The following CASP2 variants were observed in gnomAD, a reference collection of about 807,000 sequenced individuals.
CASP2 encodes the protein caspase 2, also known as caspase-2.
A neutral mutation model predicts 54.4 loss-of-function variants in CASP2; 38 were observed. The observed-to-expected ratio is 0.70, with a 90% CI of 0.54 to 0.92. CASP2 has a LOEUF of 0.92. Ranked by LOEUF, CASP2 falls within the 40% of genes least tolerant of loss-of-function variation. The pLI, the probability that CASP2 is intolerant of heterozygous loss-of-function variation, is 0.00. For synonymous variants in CASP2, 215 were observed against 216.3 expected (o/e 0.99, Z 0.05); for missense variants, 512 against 579.6 (o/e 0.88, Z 1.20).
intron 6 of CASP2, among the ~76,000 whole-genome samples, chr7:143,299,691 A>G (rs1342150172): frequency 1.3e-5 from 2 of 152,170 alleles, no homozygotes; most frequent in East Asian, 3.8e-4. Flanking sequence ...TGCCTATCTC[A>G]GTGAGTCTGA....
chr7:143,294,481 C>A, intron 5 of CASP2, 116 bp from the exon 6 acceptor site: 2 of 1,144,086 alleles, frequency 1.7e-6, no homozygotes, highest in Non-Finnish European at 2.6e-6. Context: ...TCTATTTTTA[C>A]CTGCTGGAGG....
intron 6 of CASP2, 23 bp from the exon 7 acceptor site, chr7:143,299,899 AC>A: frequency 6.2e-7 from 1 of 1,613,704 alleles, no homozygotes; most frequent in Non-Finnish European, 8.5e-7. Context: ...TTAGTGCACA[AC>A]ACTAAACATT....
At position 143,288,404 on chromosome 7, in the gene CASP2, G is replaced by C. The variant is rs1801443189; in HGVS notation, c.-52G>C. On this transcript the variant is annotated 5_prime_UTR_variant, in exon 1 of 11. Coordinates refer to ENST00000310447, the MANE Select transcript of CASP2 (RefSeq NM_032982.4). ...GATGTGGGGGAAGCGACGGCCCCCG[G>C]TTTGTTTGGGCTGTGGGCGGTGCGC... The C allele has an allele frequency of 1.3e-6, 2 of 1,581,676 alleles. No individual in the cohort carries two copies. The highest frequency in any genetic ancestry group is 1.7e-6 in the Non-Finnish European group (2 of 1,154,126).
In CASP2 at chr7:143,294,858, G is replaced by C; in HGVS notation, c.747+85G>C. ...AGAGACATCGTTTGTTCCTGTGCCTGCTGGGATATGTCTTAAAAGTTGGTT... is the reference window on the plus strand; with the variant it reads ...AGAGACATCGTTTGTTCCTGTGCCTCCTGGGATATGTCTTAAAAGTTGGTT... On this transcript the variant is annotated intron_variant, in intron 6 of 10. Transcript: ENST00000310447. 5 of 1,188,292 alleles carry C rather than the reference G, an allele frequency of 4.2e-6. No homozygotes were observed. In the South Asian group the frequency reaches 6.4e-5, roughly 15 times the overall value. 73.6% of individuals were successfully genotyped at this position (1,188,292 alleles called of 1,614,324 possible).
intron 6 of CASP2, among the ~76,000 whole-genome samples, chr7:143,295,470 C>G (rs1446720730): frequency 6.6e-6 from 1 of 152,146 alleles, no homozygotes; most frequent in Non-Finnish European, 1.5e-5. Flanking sequence ...GACTTTGTGA[C>G]CTTTAGGGTT....
chr7:143,299,038 C>T (rs908931783), intron 6 of CASP2, among the ~76,000 whole-genome samples: 3 of 151,996 alleles, frequency 2.0e-5, no homozygotes, highest in Non-Finnish European at 4.4e-5. Flanking sequence ...CAGCTCACTG[C>T]AGCCTCAACT....
At chr7:143,296,415 T>A (rs188046285) in intron 6 of CASP2, among the ~76,000 whole-genome samples, 2 of 151,986 alleles carry the variant, frequency 1.3e-5, no homozygotes, top group Non-Finnish European at 2.9e-5. Context: ...CAAACAAGAT[T>A]AGAGAAAAAA....
intron 6 of CASP2, among the ~76,000 whole-genome samples, chr7:143,295,698 G>T (rs1801724794): frequency 6.6e-6 from 1 of 152,180 alleles, no homozygotes; most frequent in South Asian, 2.1e-4. Flanking sequence ...CCCTCCTTCT[G>T]TGAGAGTAAT....
chr7:143,301,432 A>G (rs534819999), intron 8 of CASP2: 1 of 152,208 alleles, frequency 6.6e-6, no homozygotes, highest in South Asian at 2.1e-4. Context: ...TAAGGAGCAG[A>G]CCAGTTACTC....
At chr7:143,290,179 G>A (rs1313811757) in intron 1 of CASP2, among the ~76,000 whole-genome samples, 1 of 148,092 alleles carries the variant, frequency 6.8e-6, no homozygotes, top group East Asian at 2.0e-4. Context: ...TCCTGTCTCA[G>A]CCTCCCGAGT....
intron 8 of CASP2, chr7:143,303,142 A>G (rs1433886279): frequency 6.6e-6 from 1 of 152,120 alleles, no homozygotes; most frequent in Admixed American, 6.5e-5. Flanking sequence ...ATTTTAAAAA[A>G]TAAATTAAAA....
rs1371848401 is a variant in CASP2 at position 143,303,869 on chromosome 7, A to C, written c.1053A>C (p.Glu351Asp). The stretch of plus-strand genomic sequence containing the variant: ...GCGAGGAGAGTGATGCCGGTAAAGA[A>C]AAGTTGCCGAAGATGAGACTGCCCA... ...PGCEESDAGKEKLPKMRLPTR... is the reference protein window; with the variant it reads ...PGCEESDAGKDKLPKMRLPTR... The change falls in exon 9 of 11, where the codon GAA (glutamate) becomes GAC (aspartate). Residue 351 changes from glutamate to aspartate, a missense_variant. Physicochemically the swap from Glu to Asp is conservative, Grantham distance 45. Transcript: ENST00000310447. The C allele has an allele frequency of 1.2e-6, 2 of 1,613,690 alleles. No homozygotes were observed. Among genetic ancestry groups the C allele is most frequent in the Non-Finnish European group, 1.7e-6 (2 of 1,179,842 alleles).
intron 9 of CASP2, among the ~76,000 whole-genome samples, 165 bp from the exon 10 acceptor site, chr7:143,304,509 A>G (rs1308615868): frequency 6.6e-6 from 1 of 152,198 alleles, no homozygotes; most frequent in African/African-American, 2.4e-5. Flanking sequence ...GACCTACGGT[A>G]TCTCCAAAGT....
At chr7:143,288,731 T>G (rs1042664895) in intron 1 of CASP2, among the ~76,000 whole-genome samples, 4 of 152,190 alleles carry the variant, frequency 2.6e-5, no homozygotes. Context: ...CTCTTGGCCT[T>G]GTCTCTCGTG....
Position 143,293,120 on chromosome 7 carries a change from T to G in CASP2, c.475+422T>G, listed in dbSNP as rs776798043. The G allele has an allele frequency of 2.5e-4, 160 of 649,390 alleles. 2 individuals carry two copies. The highest frequency in any genetic ancestry group is 6.8e-4 in the South Asian group (39 of 57,566). 40.2% of individuals were successfully genotyped at this position (649,390 alleles called of 1,614,324 possible). A position where few individuals can be genotyped will look rare whatever the true frequency, so the allele number is the denominator to read the frequency against. On this transcript the variant is annotated intron_variant, in intron 4 of 10. Coordinates refer to ENST00000310447, the MANE Select transcript of CASP2 (RefSeq NM_032982.4). Reference sequence around the variant, plus strand: ...AACATGAGCCCTTTTTTTTGTTTTTTTTTTTTTTTGTTGTGTTTTTTTTCA... The same window carrying G: ...AACATGAGCCCTTTTTTTTGTTTTTGTTTTTTTTTGTTGTGTTTTTTTTCA...
chr7:143,296,932 C>T (rs914812644), intron 6 of CASP2, among the ~76,000 whole-genome samples: 2 of 152,130 alleles, frequency 1.3e-5, no homozygotes, highest in Non-Finnish European at 2.9e-5. Context: ...ATTGCATCTA[C>T]TTCATGAGGT....
chr7:143,290,055 C>CTTTTTTTTTT (rs35440867), intron 1 of CASP2, among the ~76,000 whole-genome samples: 2 of 114,522 alleles, frequency 1.7e-5, no homozygotes, highest in Non-Finnish European at 3.4e-5. Flanking sequence ...TTTTCCCTCC[C>CTTTTTTTTTT]TTTTTTTTTT....
intron 6 of CASP2, chr7:143,298,374 T>A (rs1348034250): frequency 1.3e-5 from 2 of 152,202 alleles, no homozygotes; most frequent in African/African-American, 4.8e-5. Flanking sequence ...CATCGTGAAT[T>A]ATAGAGGGAG....
intron 6 of CASP2, among the ~76,000 whole-genome samples, chr7:143,294,978 T>C (rs886655784): frequency 6.6e-6 from 1 of 152,078 alleles, no homozygotes; most frequent in African/African-American, 2.4e-5. Context: ...AGTGTTGACA[T>C]CTCAGGTTGT....
Sources: gnomAD v4.1 joint callset for allele counts (sites outside exome capture counted in the v4.1 genomes callset) on GRCh38, gnomAD v4.1.1 for gene constraint, MANE v1.5 for transcripts, NCBI Gene and HGNC (gene_info 2026-07-23, HGNC 2026-07-21) for gene names.